The following CACNA1I variants were observed in gnomAD, a reference collection of about 807,000 sequenced individuals.
CACNA1I encodes the protein calcium voltage-gated channel subunit alpha1 I.
Under a neutral mutation model 201.6 loss-of-function variants are expected in CACNA1I, and 74 were observed. The ratio of observed to expected loss-of-function variants is 0.37; its 90% CI spans 0.30 to 0.45. CACNA1I has a LOEUF of 0.45. CACNA1I is among the 20% of genes least tolerant of loss of function. The probability of loss-of-function intolerance (pLI) is 1.00; values close to 1 mark genes in which losing one functional copy is unlikely to be tolerated. For synonymous variants in CACNA1I, 1,431 were observed against 1,345.2 expected (o/e 1.06, Z -1.40); for missense variants, 2,346 against 3,138.1 (o/e 0.75, Z 6.03).
chr22:39,577,154 C>T (rs1932384920), intron 1 of CACNA1I, among the ~76,000 whole-genome samples: 1 of 152,108 alleles, frequency 6.6e-6, no homozygotes, highest in South Asian at 2.1e-4. Context: ...GTTTCACCAG[C>T]CTCCTGAGTA....
At position 39,656,641 on chromosome 22, in the gene CACNA1I, G is replaced by GGAATGAAT. The variant is rs112171045; in HGVS notation, c.1993-1486_1993-1479dup. 3.8e-3 allele frequency: 1,954 copies of GGAATGAAT among 517,640 alleles called. 12 individuals are homozygous for GGAATGAAT. Among genetic ancestry groups the GGAATGAAT allele is most frequent in the Middle Eastern group, 0.018 (56 of 3,138 alleles). 32.1% of individuals were successfully genotyped at this position (517,640 alleles called of 1,614,324 possible). A position where few individuals can be genotyped will look rare whatever the true frequency, so the allele number is the denominator to read the frequency against. On this transcript the variant is annotated intron_variant, in intron 10 of 36. Coordinates refer to ENST00000402142, the MANE Select transcript of CACNA1I (RefSeq NM_021096.4). ...CATTCAAATTTGTGGTAGCCATGCA[G>GGAATGAAT]GAATGAATGAATGAATGAATGAATG...
At chr22:39,661,070 C>T in intron 15 of CACNA1I, 38 bp from the exon 16 acceptor site, 1 of 1,520,272 alleles carries the variant, frequency 6.6e-7, no homozygotes, top group Non-Finnish European at 9.1e-7. Context: ...TCCTGTCTGC[C>T]ATCTGTCCCT....
At chr22:39,584,545 G>A (rs1298249754) in intron 1 of CACNA1I, among the ~76,000 whole-genome samples, 2 of 152,174 alleles carry the variant, frequency 1.3e-5, no homozygotes, top group African/African-American at 4.8e-5. Flanking sequence ...GTCCAGGAGA[G>A]GAGATGGGAG....
chr22:39,663,697 G>GCCCCCCCCCCCCCCC, intron 18 of CACNA1I, 21 bp from the exon 19 acceptor site: 13 of 1,592,178 alleles, frequency 8.2e-6, no homozygotes, highest in Non-Finnish European at 9.5e-6. Flanking sequence ...CGCTCAGGCA[G>GCCCCCCCCCCCCCCC]CCCCCGCCCA....
At chr22:39,631,064 G>T (rs1310499335) in intron 4 of CACNA1I, among the ~76,000 whole-genome samples, 1 of 152,222 alleles carries the variant, frequency 6.6e-6, no homozygotes, top group African/African-American at 2.4e-5. Flanking sequence ...TTCCCATGGG[G>T]CGTATGGGCT....
rs1933987601 is a variant in CACNA1I at position 39,629,365 on chromosome 22, A to C, written c.581-5200A>C. On this transcript the variant is annotated intron_variant, in intron 4 of 36. Transcript: ENST00000402142. This position sits in a 1 kb window ranked among gnomAD's most constrained non-coding sequence, Gnocchi z 4.8. ...GGCCGCTCTGTGGCTCCAGGCCCCAAACCTTGGAGTCGTCCCCAACTGCCC... is the reference window on the plus strand; with the variant it reads ...GGCCGCTCTGTGGCTCCAGGCCCCACACCTTGGAGTCGTCCCCAACTGCCC... 6.6e-6 allele frequency among the ~76,000 whole-genome samples: 1 copy of C among 151,878 alleles called. No homozygotes were observed. Among genetic ancestry groups the C allele is most frequent in the Non-Finnish European group, 1.5e-5 (1 of 67,966 alleles).
intron 18 of CACNA1I, among the ~76,000 whole-genome samples, chr22:39,663,446 G>T (rs1345242845): frequency 6.6e-6 from 1 of 152,166 alleles, no homozygotes; most frequent in African/African-American, 2.4e-5. Context: ...AGGCAGCGTG[G>T]TATCCTCCTG....
intron 1 of CACNA1I, among the ~76,000 whole-genome samples, chr22:39,595,686 G>A (rs1601803260): frequency 6.6e-6 from 1 of 152,102 alleles, no homozygotes; most frequent in Middle Eastern, 3.4e-3. Context: ...GTGGTCATGC[G>A]GTCTCCCTCT....
chr22:39,677,936 C>A lies in CACNA1I; in HGVS notation c.4934-51C>A. 2 of 1,530,164 alleles carry A rather than the reference C, an allele frequency of 1.3e-6. No individual in the cohort carries two copies. The highest frequency in any genetic ancestry group is 1.4e-5 in the African/African-American group (1 of 73,188). The allele number at this position is 1,530,164 out of a possible 1,614,324, so 94.8% of individuals were successfully genotyped here. The stretch of plus-strand genomic sequence containing the variant: ...GCGGGAGGCACCAGGTCAGGGTGAG[C>A]CCCGCAGGCACTCCGCCATCGGGCA... On this transcript the variant is annotated intron_variant, in intron 30 of 36. Transcript: ENST00000402142. This position sits in a 1 kb window ranked among gnomAD's most constrained non-coding sequence, Gnocchi z 4.8.
chr22:39,600,838 G>A (rs550706004), intron 3 of CACNA1I, among the ~76,000 whole-genome samples, 185 bp downstream of exon 3: 16 of 152,238 alleles, frequency 1.1e-4, no homozygotes, highest in East Asian at 5.8e-4. Flanking sequence ...TAAGTTGTGC[G>A]TCCTCCAGCA....
At chr22:39,679,603 C>T (rs937118604) in intron 32 of CACNA1I, 119 bp from the exon 33 acceptor site, 47 of 1,098,988 alleles carry the variant, frequency 4.3e-5, no homozygotes, top group Admixed American at 4.2e-4. Flanking sequence ...ATGAGGGGGT[C>T]GGTCCCAGGC....
chr22:39,644,596 C>A (rs1240276009), intron 7 of CACNA1I, among the ~76,000 whole-genome samples: 3 of 152,150 alleles, frequency 2.0e-5, no homozygotes, highest in Non-Finnish European at 2.9e-5. Flanking sequence ...TGCAGGGTCA[C>A]CTCCTGTGAG....
intron 17 of CACNA1I, 77 bp downstream of exon 17, chr22:39,662,512 C>A: frequency 8.6e-7 from 1 of 1,160,476 alleles, no homozygotes; most frequent in Non-Finnish European, 1.2e-6. Flanking sequence ...GGAGGCGGGG[C>A]CCGAGCGGGC....
In CACNA1I at chr22:39,642,825, T is replaced by C; in HGVS notation, c.1085T>C (p.Ile362Thr). Residue 362 changes from isoleucine to threonine, a missense_variant, in exon 7 of 37, where the codon ATC becomes ACC. Coordinates refer to ENST00000402142, the MANE Select transcript of CACNA1I (RefSeq NM_021096.4). ...QVITLEGWVE[I>T]MYYVMDAHSF... ...ATCACTCTGGAAGGCTGGGTGGAGA[T>C]CATGTACTACGTGATGGATGCTCAC... 1 of 1,611,658 alleles carries C rather than the reference T, an allele frequency of 6.2e-7. No individual in the cohort carries two copies. The highest frequency in any genetic ancestry group is 8.5e-7 in the Non-Finnish European group (1 of 1,178,864).
At chr22:39,644,973 C>T (rs1261565244) in intron 7 of CACNA1I, among the ~76,000 whole-genome samples, 1 of 152,120 alleles carries the variant, frequency 6.6e-6, no homozygotes, top group Non-Finnish European at 1.5e-5. Context: ...CAGGCATGAG[C>T]CGCAGCCCCC....
intron 29 of CACNA1I, among the ~76,000 whole-genome samples, chr22:39,675,635 T>C (rs2146471634): frequency 6.6e-6 from 1 of 152,376 alleles, no homozygotes; most frequent in East Asian, 1.9e-4. Context: ...ATTTCCTCGA[T>C]TCTACGTAAA....
At chr22:39,609,227 T>A (rs985826607) in intron 3 of CACNA1I, among the ~76,000 whole-genome samples, 5 of 152,226 alleles carry the variant, frequency 3.3e-5, no homozygotes, top group Non-Finnish European at 2.9e-5. Flanking sequence ...GTAACTTGCC[T>A]GAGGTCACAG....
chr22:39,662,172 G>T lies in CACNA1I; in HGVS notation c.3109G>T (p.Ala1037Ser), dbSNP rs1281702569. 2 of 1,531,728 alleles carry T rather than the reference G, an allele frequency of 1.3e-6. No homozygotes were observed. The highest frequency in any genetic ancestry group is 1.8e-6 in the Non-Finnish European group (2 of 1,142,298). 94.9% of individuals were successfully genotyped at this position (1,531,728 alleles called of 1,614,324 possible). The change falls in exon 17 of 37, where the codon GCC (alanine) becomes TCC (serine). Residue 1037 changes from alanine (A) to serine (S), a missense_variant. Physicochemically the swap from Ala to Ser is moderately conservative, Grantham distance 99. Transcript: ENST00000402142. ...GGCCGCACCCCTGCACACCCCACAC[G>T]CCCACCACATTCATCACGGGCCCCA... ...PRAAPLHTPH[A>S]HHIHHGPHLA...
chr22:39,664,958 T>C (rs1310705761), intron 21 of CACNA1I, 35 bp downstream of exon 21: 1 of 1,597,124 alleles, frequency 6.3e-7, no homozygotes, highest in Non-Finnish European at 8.5e-7. Context: ...GGGGAAAGTG[T>C]CATGCACTGT....
Sources: allele counts gnomAD v4.1 joint callset (sites outside exome capture counted in the v4.1 genomes callset), GRCh38; gene constraint gnomAD v4.1.1; non-coding constraint Gnocchi (gnomAD v3.1); transcripts MANE v1.5; gene names NCBI Gene and HGNC (gene_info 2026-07-23, HGNC 2026-07-21).